Variants in VKORC1L1 observed in about 807,000 individuals in gnomAD.
VKORC1L1 encodes vitamin K epoxide reductase complex subunit 1L1, also known as vitamin K epoxide reductase complex subunit 1-like protein 1.
A neutral mutation model predicts 18.9 loss-of-function variants in VKORC1L1; 2 were observed. The ratio of observed to expected loss-of-function variants is 0.11; its 90% CI spans 0.04 to 0.33. The LOEUF (loss-of-function observed/expected upper bound fraction) is 0.33, where lower values mean the gene tolerates loss of function less well. VKORC1L1 is among the 10% of genes least tolerant of loss of function. The pLI, the probability that VKORC1L1 is intolerant of heterozygous loss-of-function variation, is 1.00. For synonymous variants in VKORC1L1, 96 were observed against 100.0 expected (o/e 0.96, Z 0.24); for missense variants, 123 against 224.1 (o/e 0.55, Z 2.88).
chr7:65,886,841 T>TTTG (rs1789022002), intron 1 of VKORC1L1, among the ~76,000 whole-genome samples: 2 of 92,976 alleles, frequency 2.2e-5, no homozygotes, highest in South Asian at 4.6e-4. Flanking sequence ...CTGTCCGAGT[T>TTTG]TTTTTTTTTT....
At chr7:65,924,748 A>G (rs1426682537) in intron 1 of VKORC1L1, among the ~76,000 whole-genome samples, 2 of 152,176 alleles carry the variant, frequency 1.3e-5, no homozygotes, top group African/African-American at 2.4e-5. Context: ...AAATCTATCT[A>G]GTAATTTTTG....
intron 1 of VKORC1L1, among the ~76,000 whole-genome samples, chr7:65,935,776 T>C (rs1439469100): frequency 3.9e-5 from 6 of 152,224 alleles, no homozygotes; most frequent in African/African-American, 1.2e-4. Flanking sequence ...TCAACTCTCA[T>C]GTTAACTGAG....
intron 1 of VKORC1L1, among the ~76,000 whole-genome samples, chr7:65,934,446 A>G (rs773717415): frequency 7.2e-5 from 11 of 152,182 alleles, no homozygotes; most frequent in African/African-American, 1.4e-4. Flanking sequence ...ATTATTTACT[A>G]TGTTCACTAT....
intron 1 of VKORC1L1, among the ~76,000 whole-genome samples, chr7:65,912,521 A>G (rs959568868): frequency 6.6e-6 from 1 of 152,208 alleles, no homozygotes; most frequent in Non-Finnish European, 1.5e-5. Context: ...AAGCATCTGC[A>G]TGTTGAATCT....
At chr7:65,941,967 C>T (rs1217681015) in intron 1 of VKORC1L1, among the ~76,000 whole-genome samples, 1 of 152,226 alleles carries the variant, frequency 6.6e-6, no homozygotes, top group East Asian at 1.9e-4. Context: ...AGCCGTATTG[C>T]TGTTTCTTCA....
At chr7:65,925,160 T>C (rs1447012417) in intron 1 of VKORC1L1, among the ~76,000 whole-genome samples, 3 of 152,244 alleles carry the variant, frequency 2.0e-5, no homozygotes, top group Non-Finnish European at 4.4e-5. Context: ...GATGGAGTTA[T>C]CTGTGTGACT....
intron 1 of VKORC1L1, among the ~76,000 whole-genome samples, chr7:65,902,550 C>G (rs1789335985): frequency 6.6e-6 from 1 of 151,666 alleles, no homozygotes; most frequent in Non-Finnish European, 1.5e-5. Flanking sequence ...ATTGGAGCCC[C>G]AGAAAAGAGG....
chr7:65,927,438 C>T (rs142210584), intron 1 of VKORC1L1, among the ~76,000 whole-genome samples: 9 of 152,232 alleles, frequency 5.9e-5, no homozygotes, highest in African/African-American at 1.9e-4. Flanking sequence ...ATAATTCATC[C>T]ATGTCAACCA....
At chr7:65,930,151 T>C (rs897128517) in intron 1 of VKORC1L1, among the ~76,000 whole-genome samples, 1 of 152,176 alleles carries the variant, frequency 6.6e-6, no homozygotes, top group African/African-American at 2.4e-5. Context: ...ATAAACTTCT[T>C]AATTCTAGAA....
chr7:65,909,144 ATT>A lies in VKORC1L1; in HGVS notation c.194+35597_194+35598del, dbSNP rs58181516. On this transcript the variant is annotated intron_variant, in intron 1 of 2. Coordinates refer to ENST00000360768, the MANE Select transcript of VKORC1L1 (RefSeq NM_173517.6). ...GGCGTGAGCCACCACGCCCAGCCTAATTTTTTTTTTTTTTTTTTTAGTAGAGA... is the reference window on the plus strand; with the variant it reads ...GGCGTGAGCCACCACGCCCAGCCTAATTTTTTTTTTTTTTTTTAGTAGAGA... Among the ~76,000 whole-genome samples the A allele has an allele frequency of 3.7e-3, 456 of 122,588 alleles. 3 individuals are homozygous for A. The highest frequency in any genetic ancestry group is 9.2e-3 in the African/African-American group (307 of 33,396). The allele number at this position is 122,588 out of a possible 152,430, so 80.4% of individuals were successfully genotyped here. A position where few individuals can be genotyped will look rare whatever the true frequency, so the allele number is the denominator to read the frequency against.
At chr7:65,879,006 C>G (rs1341439298) in intron 1 of VKORC1L1, among the ~76,000 whole-genome samples, 1 of 152,210 alleles carries the variant, frequency 6.6e-6, no homozygotes, top group African/African-American at 2.4e-5. Context: ...TCCTTCATAT[C>G]CCTTCCACCA....
the VKORC1L1 span, among the ~76,000 whole-genome samples, chr7:65,867,244 TG>T: frequency 6.6e-6 from 1 of 151,286 alleles, no homozygotes; most frequent in East Asian, 1.9e-4. Context: ...GAAGAAGAAA[TG>T]GTCTCTGAGC....
At chr7:65,918,716 A>G (rs1246938413) in intron 1 of VKORC1L1, among the ~76,000 whole-genome samples, 1 of 152,246 alleles carries the variant, frequency 6.6e-6, no homozygotes, top group African/African-American at 2.4e-5. Context: ...CTGAGAAAAT[A>G]TATGTCGTGT....
chr7:65,883,525 AG>A (rs1426694817), intron 1 of VKORC1L1, among the ~76,000 whole-genome samples: 1 of 151,318 alleles, frequency 6.6e-6, no homozygotes, highest in African/African-American at 2.4e-5. Context: ...TTTGAGACGG[AG>A]TTTCACTCTT....
chr7:65,952,539 C>G (rs1432150666), intron 2 of VKORC1L1, among the ~76,000 whole-genome samples: 2 of 151,526 alleles, frequency 1.3e-5, no homozygotes, highest in Non-Finnish European at 2.9e-5. Context: ...TTTTTTTTTG[C>G]CAACAGGGCC....
rs377502225 is a variant in VKORC1L1 at position 65,899,237 on chromosome 7, C to T, written c.194+25672C>T. Among the ~76,000 whole-genome samples, 6 of 152,312 alleles carry T rather than the reference C, an allele frequency of 3.9e-5. No homozygotes were observed. The East Asian group carries it at 5.8e-4, about 15-fold the overall frequency. On this transcript the variant is annotated intron_variant, in intron 1 of 2. Transcript: ENST00000360768. The stretch of plus-strand genomic sequence containing the variant: ...GCCACCCAAAATGCAGGCTCAAGGC[C>T]GCAGCCTCTTGACTCTGTTCAACAG...
chr7:65,922,251 A>G (rs1489227801), intron 1 of VKORC1L1, among the ~76,000 whole-genome samples: 1 of 149,204 alleles, frequency 6.7e-6, no homozygotes, highest in Non-Finnish European at 1.5e-5. Context: ...CTATCTTTGC[A>G]GTGCTTCTGT....
intron 1 of VKORC1L1, among the ~76,000 whole-genome samples, chr7:65,916,120 A>T (rs1383476295): frequency 1.3e-5 from 2 of 151,594 alleles, no homozygotes; most frequent in Non-Finnish European, 1.5e-5. Flanking sequence ...AAAATTAAAA[A>T]AAAAAAAAAA....
intron 1 of VKORC1L1, 42 bp downstream of exon 1, chr7:65,873,607 G>A (rs762334965): frequency 6.9e-7 from 1 of 1,458,516 alleles, no homozygotes; most frequent in Non-Finnish European, 9.1e-7. Flanking sequence ...GCCGAGCGGG[G>A]CGAGGGTGGA....
Sources: allele counts gnomAD v4.1 joint callset (sites outside exome capture counted in the v4.1 genomes callset), GRCh38; gene constraint gnomAD v4.1.1; transcripts MANE v1.5; gene names NCBI Gene and HGNC (gene_info 2026-07-23, HGNC 2026-07-21).